Variants in LRP3 observed in about 807,000 individuals in gnomAD.
LRP3 encodes the protein low-density lipoprotein receptor-related protein 3.
In LRP3, 49 loss-of-function variants were observed where a neutral mutation model predicts 58.5. The ratio of observed to expected loss-of-function variants is 0.84; its 90% confidence interval spans 0.67 to 1.06. The LOEUF (loss-of-function observed/expected upper bound fraction) is 1.06, where lower values mean the gene tolerates loss of function less well. LRP3 is among the 50% of genes least tolerant of loss of function. The pLI is 0.00. For synonymous variants in LRP3, 485 were observed against 492.2 expected, an observed-to-expected ratio of 0.99 and a Z score of 0.20; for missense variants, 1,019 against 1,134.2, an observed-to-expected ratio of 0.90 and a Z score of 1.46.
Position 33,204,742 on chromosome 19 carries a change from C to G in LRP3, c.365C>G (p.Ser122Cys). Reference protein sequence around the residue: ...PRQEAFRLCGSAIPPAFISAR... With the variant: ...PRQEAFRLCGCAIPPAFISAR... ...CAGGAGGCCTTCCGCCTCTGTGGCT[C>G]CGCCATCCCACCTGCCTTCATCTCT... Residue 122 changes from serine to cysteine, a missense_variant, in exon 4 of 7, where the codon TCC becomes TGC. Physicochemically the swap from Ser to Cys is moderately radical, Grantham distance 112. This residue lies in a region of LRP3 where 592 missense variants were observed against 725.5 expected (regional missense o/e 0.82). Transcript: ENST00000253193. The G allele has an allele frequency of 6.2e-7, 1 of 1,612,420 alleles. No homozygotes were observed. The highest frequency in any genetic ancestry group is 1.7e-5 in the Admixed American group (1 of 60,026).
In LRP3 at chr19:33,205,276, A is replaced by G; in HGVS notation, c.506A>G (p.Asp169Gly). 1 of 1,610,244 alleles carries G rather than the reference A, an allele frequency of 6.2e-7. No individual in the cohort carries two copies. The highest frequency in any genetic ancestry group is 1.1e-5 in the South Asian group (1 of 90,276). Residue 169 changes from aspartate to glycine, a missense_variant, in exon 5 of 7, where the codon GAT becomes GGT. Asp to Gly is a moderately conservative substitution (Grantham distance 94). Around this residue, in one of 2 missense-constraint regions of LRP3, gnomAD observed 592 missense variants for 725.5 expected, o/e 0.82. Transcript: ENST00000253193. ...CTGGGCCAGGCATCCTGCCAGGCAG[A>G]TGAGTTCCGCTGTGACAACGGCAAG... ...GKLGQASCQA[D>G]EFRCDNGKCL...
chr19:33,205,831 C>T lies in LRP3; in HGVS notation c.1061C>T (p.Ala354Val). The change falls in exon 5 of 7, where the codon GCC becomes GTC. Residue 354 changes from alanine (A) to valine (V), a missense_variant. By Grantham distance (64) the Ala-to-Val change is moderately conservative (BLOSUM62 0). Transcript: ENST00000253193. ...GCCTACCACGCGCGCGCCCGCAGCG[C>T]CGGCCACGGCTTCAATGCCACCTAC... ...TVAYHARARS[A>V]GHGFNATYQV... 1 of 1,588,418 alleles carries T rather than the reference C, an allele frequency of 6.3e-7. No homozygotes were observed. The highest frequency in any genetic ancestry group is 8.6e-7 in the Non-Finnish European group (1 of 1,168,592).
chr19:33,206,912 G>T, intron 6 of LRP3, 76 bp from the exon 7 acceptor site: 2 of 1,240,386 alleles, frequency 1.6e-6, no homozygotes, highest in Non-Finnish European at 2.2e-6. Flanking sequence ...TTGGGGGTGT[G>T]CTGTCTCCTG....
rs1974262191 is a variant in LRP3 at position 33,194,442 on chromosome 19, C to T, written c.-344C>T. On this transcript the variant is annotated 5_prime_UTR_variant, in exon 1 of 7. Transcript: ENST00000253193. ...GGCTGCGCGCCGCGGGGCATGGGCG[C>T]GCCGGGGGTCCCCGGGCCCAGGCCG... The T allele has an allele frequency of 7.0e-6, 1 of 143,578 alleles. No homozygotes were observed. The highest frequency in any genetic ancestry group is 1.5e-5 in the Non-Finnish European group (1 of 64,984). 8.9% of individuals were successfully genotyped at this position (143,578 alleles called of 1,614,324 possible).
chr19:33,195,595 C>T (rs1357650826), intron 1 of LRP3, among the ~76,000 whole-genome samples: 2 of 152,226 alleles, frequency 1.3e-5, no homozygotes, highest in African/African-American at 4.8e-5. Flanking sequence ...AGGGGACACC[C>T]TGTGATGTCA....
chr19:33,197,375 C>T (rs985956470), intron 2 of LRP3, among the ~76,000 whole-genome samples: 1 of 152,138 alleles, frequency 6.6e-6, no homozygotes, highest in African/African-American at 2.4e-5. Flanking sequence ...GCCTGTGATC[C>T]CAGCATTTGG....
chr19:33,206,757 C>T (rs1161889897), intron 6 of LRP3, 24 bp downstream of exon 6: 1 of 1,505,768 alleles, frequency 6.6e-7, no homozygotes, highest in South Asian at 1.4e-5. Flanking sequence ...GGGCGTGAGG[C>T]CCCTCCGGGG....
At position 33,196,788 on chromosome 19, in the gene LRP3, A is replaced by G. The variant is rs1974290265; in HGVS notation, c.121+11A>G. ...CGGTTCCTGCCTTAGGTAAGTAAGC[A>G]CTTTCTCTCCTTCCTCCACTCCTTC... On this transcript the variant is annotated intron_variant, in intron 2 of 6. Transcript: ENST00000253193. 4.3e-6 allele frequency: 7 copies of G among 1,613,726 alleles called. No homozygotes were observed. In the African/African-American group the frequency reaches 5.3e-5, roughly 12 times the overall value.
At chr19:33,200,135 G>A (rs552863500) in intron 2 of LRP3, among the ~76,000 whole-genome samples, 1 of 152,334 alleles carries the variant, frequency 6.6e-6, no homozygotes, top group South Asian at 2.1e-4. Context: ...CAATGTGGGG[G>A]ACCATACCAC....
At position 33,207,320 on chromosome 19, in the gene LRP3, G is replaced by C; in HGVS notation, c.2058G>C (p.Ser686=). The C allele has an allele frequency of 1.3e-6, 2 of 1,573,228 alleles. No homozygotes were observed. Among genetic ancestry groups the C allele is most frequent in the Non-Finnish European group, 1.7e-6 (2 of 1,167,016 alleles). ...EVGPSGPPLP[S]GLRDPECRPV... ...GACCTTCAGGGCCACCCTTGCCCTC[G>C]GGCCTGCGAGACCCAGAGTGCAGGC... The change falls in exon 7 of 7, where the codon TCG becomes TCC. Residue 686 remains serine (S), a synonymous_variant. Coordinates refer to ENST00000253193, the MANE Select transcript of LRP3 (RefSeq NM_002333.4).
Position 33,205,877 on chromosome 19 carries a change from C to T in LRP3, c.1107C>T (p.Leu369=). 1.2e-6 allele frequency: 2 copies of T among 1,606,610 alleles called. No individual in the cohort carries two copies. The highest frequency in any genetic ancestry group is 1.7e-6 in the Non-Finnish European group (2 of 1,176,860). ...NATYQVKGYC[L]PWEQPCGSSS... ...CCTACCAGGTGAAGGGCTATTGCCT[C>T]CCCTGGGAGCAGCCGTGCGGGAGCA... Residue 369 remains leucine (L), a synonymous_variant, in exon 5 of 7, where the codon CTC becomes CTT. Coordinates refer to ENST00000253193, the MANE Select transcript of LRP3 (RefSeq NM_002333.4).
At chr19:33,196,945 C>T (rs1337461800) in intron 2 of LRP3, among the ~76,000 whole-genome samples, 168 bp downstream of exon 2, 2 of 152,152 alleles carry the variant, frequency 1.3e-5, no homozygotes, top group Non-Finnish European at 2.9e-5. Context: ...TTGTCTGAGC[C>T]TCAGTTTCCT....
At chr19:33,198,332 A>G (rs1474502065) in intron 2 of LRP3, among the ~76,000 whole-genome samples, 3 of 152,126 alleles carry the variant, frequency 2.0e-5, no homozygotes, top group East Asian at 3.9e-4. Context: ...CCAAACTCCA[A>G]CGGCTGCTGT....
chr19:33,201,756 C>A (rs1974343720), intron 2 of LRP3, among the ~76,000 whole-genome samples: 1 of 151,982 alleles, frequency 6.6e-6, no homozygotes, highest in African/African-American at 2.4e-5. Flanking sequence ...GGTCAGGGTG[C>A]TGTGGGGTGG....
intron 2 of LRP3, among the ~76,000 whole-genome samples, chr19:33,201,218 TG>T (rs1031110846): frequency 3.3e-5 from 5 of 151,930 alleles, no homozygotes; most frequent in South Asian, 2.1e-4. Flanking sequence ...TGGCCGAGGC[TG>T]GGGGGAGGGA....
chr19:33,197,665 G>A (rs1305497397), intron 2 of LRP3, among the ~76,000 whole-genome samples: 2 of 152,114 alleles, frequency 1.3e-5, no homozygotes, highest in African/African-American at 2.4e-5. Context: ...GGTGCAGCCC[G>A]GGAGAACAAT....
chr19:33,201,029 T>TC (rs1409885068), intron 2 of LRP3, among the ~76,000 whole-genome samples: 2 of 152,196 alleles, frequency 1.3e-5, no homozygotes, highest in African/African-American at 4.8e-5. Context: ...GCTTCAGCTC[T>TC]CAGCTCATGG....
At position 33,202,883 on chromosome 19, in the gene LRP3, C is replaced by T. The variant is rs753467105; in HGVS notation, c.157C>T (p.Arg53Trp). 3.7e-6 allele frequency: 6 copies of T among 1,610,936 alleles called. No homozygotes were observed. Among genetic ancestry groups the T allele is most frequent in the Non-Finnish European group, 5.1e-6 (6 of 1,178,778 alleles). The change falls in exon 3 of 7, where the codon CGG becomes TGG. Residue 53 changes from arginine (R) to tryptophan (W), a missense_variant. By Grantham distance (101) the Arg-to-Trp change is moderately radical. This residue lies in a region of LRP3 where 592 missense variants were observed against 725.5 expected (regional missense o/e 0.82). Coordinates refer to ENST00000253193, the MANE Select transcript of LRP3 (RefSeq NM_002333.4). Reference sequence around the variant, plus strand: ...TGGGAAGCTGGAGCAGCACACGGAGCGGCGTGGGGTCATCTACAGCCCGGC... The same window carrying T: ...TGGGAAGCTGGAGCAGCACACGGAGTGGCGTGGGGTCATCTACAGCCCGGC... ...CSGKLEQHTE[R>W]RGVIYSPAWP...
chr19:33,207,978 C>T lies in LRP3; in HGVS notation c.*403C>T, dbSNP rs142163558. ...GGCCATGGGGACGCTGGGTCTCATCCGTGGTGACTATTTTGCTCACGCCTC... is the reference window on the plus strand; with the variant it reads ...GGCCATGGGGACGCTGGGTCTCATCTGTGGTGACTATTTTGCTCACGCCTC... On this transcript the variant is annotated 3_prime_UTR_variant, in exon 7 of 7. Transcript: ENST00000253193. 103 of 220,552 alleles carry T rather than the reference C, an allele frequency of 4.7e-4. 2 individuals carry two copies. Among genetic ancestry groups the T allele is most frequent in the African/African-American group, 2.2e-3 (96 of 42,868 alleles). 13.7% of individuals were successfully genotyped at this position (220,552 alleles called of 1,614,324 possible). A position where few individuals can be genotyped will look rare whatever the true frequency, so the allele number is the denominator to read the frequency against.
Sources: gnomAD v4.1 joint callset for allele counts (sites outside exome capture counted in the v4.1 genomes callset) on GRCh38, gnomAD v4.1.1 for gene constraint, gnomAD v4.1.1 regional missense constraint, MANE v1.5 for transcripts, NCBI Gene and HGNC (gene_info 2026-07-23, HGNC 2026-07-21) for gene names.